INPP4B: variants seen among roughly 807,000 people sequenced by gnomAD.
INPP4B encodes the protein inositol polyphosphate-4-phosphatase type II B.
INPP4B carries 55 observed loss-of-function variants against 122.5 expected under a neutral mutation model. The ratio of observed to expected loss-of-function variants is 0.45; its 90% CI spans 0.36 to 0.56. The LOEUF (loss-of-function observed/expected upper bound fraction) is 0.56, where lower values mean the gene tolerates loss of function less well. Among genes scored for constraint, INPP4B ranks in the 20% least tolerant of loss-of-function variants. INPP4B has a pLI of 0.00. For synonymous variants in INPP4B, 403 were observed against 388.7 expected, an observed-to-expected ratio of 1.04 and a Z score of -0.43; for missense variants, 1,000 against 1,097.7, an observed-to-expected ratio of 0.91 and a Z score of 1.26.
intron 18 of INPP4B, among the ~76,000 whole-genome samples, chr4:142,143,781 T>C (rs929277427): frequency 2.0e-5 from 3 of 152,088 alleles, no homozygotes; most frequent in East Asian, 1.9e-4. Flanking sequence ...AGCACTATGA[T>C]AGTACTTAAA....
At chr4:142,166,011 TAA>T (rs796738760) in intron 16 of INPP4B, among the ~76,000 whole-genome samples, 4 of 151,878 alleles carry the variant, frequency 2.6e-5, no homozygotes, top group African/African-American at 9.6e-5. Flanking sequence ...TTACCATTCA[TAA>T]GTCTTCTTTG....
chr4:142,577,022 C>CTTTATATTAATATAATATAATA (rs1734001145), intron 2 of INPP4B, among the ~76,000 whole-genome samples: 1 of 151,988 alleles, frequency 6.6e-6, no homozygotes, highest in African/African-American at 2.4e-5. Context: ...ACATAATTTA[C>CTTTATATTAATATAATATAATA]AAGTAATAAA....
intron 15 of INPP4B, among the ~76,000 whole-genome samples, chr4:142,185,549 C>T (rs1014403953): frequency 6.6e-6 from 1 of 151,846 alleles, no homozygotes; most frequent in Admixed American, 6.6e-5. Flanking sequence ...AATTTAACTA[C>T]CTCTTAACTA....
intron 2 of INPP4B, chr4:142,473,131 T>C (rs995943495): frequency 2.0e-5 from 3 of 152,234 alleles, no homozygotes; most frequent in Non-Finnish European, 4.4e-5. Flanking sequence ...TTAATAAAAC[T>C]GATCAGTGTC....
chr4:142,508,107 G>A (rs76055231), intron 2 of INPP4B, among the ~76,000 whole-genome samples: 2,553 of 152,158 alleles, frequency 0.017, 75 homozygotes, highest in African/African-American at 0.058. Context: ...CATCCTCAAG[G>A]ATCTAGGGGC....
intron 1 of INPP4B, among the ~76,000 whole-genome samples, chr4:142,764,029 A>G (rs1771725070): frequency 6.6e-6 from 1 of 152,180 alleles, no homozygotes; most frequent in South Asian, 2.1e-4. Flanking sequence ...AAGTTCAAAA[A>G]GTTATGACAG....
chr4:142,414,453 A>T (rs944680258), intron 5 of INPP4B, among the ~76,000 whole-genome samples: 1 of 152,206 alleles, frequency 6.6e-6, no homozygotes, highest in Admixed American at 6.6e-5. Context: ...TGCCTGGAAC[A>T]ATGGTGCTCT....
At chr4:142,824,134 G>A (rs377732326) in intron 1 of INPP4B, among the ~76,000 whole-genome samples, 1 of 151,908 alleles carries the variant, frequency 6.6e-6, no homozygotes, top group Non-Finnish European at 1.5e-5. Context: ...GGCCCCCCCA[G>A]GTTCTCAGGC....
At chr4:142,517,362 T>G (rs546890521) in intron 2 of INPP4B, among the ~76,000 whole-genome samples, 1 of 152,090 alleles carries the variant, frequency 6.6e-6, no homozygotes, top group Non-Finnish European at 1.5e-5. Flanking sequence ...TGAATGACCA[T>G]GCTGAAGCCT....
At chr4:142,784,044 A>C (rs1340567913) in intron 1 of INPP4B, among the ~76,000 whole-genome samples, 1 of 152,160 alleles carries the variant, frequency 6.6e-6, no homozygotes, top group African/African-American at 2.4e-5. Flanking sequence ...TGCTTAGGGC[A>C]AGTAAAAAAA....
chr4:142,826,714 G>A (rs905527439), intron 1 of INPP4B, among the ~76,000 whole-genome samples: 2 of 152,064 alleles, frequency 1.3e-5, no homozygotes, highest in African/African-American at 4.8e-5. Flanking sequence ...AGCTAAGCCT[G>A]TGTTTCCATT....
chr4:142,168,975 C>T (rs1824198915), intron 16 of INPP4B, among the ~76,000 whole-genome samples: 1 of 151,578 alleles, frequency 6.6e-6, no homozygotes, highest in South Asian at 2.1e-4. Context: ...AATTTGTTAC[C>T]TATTTTCCAG....
At chr4:142,353,710 G>A (rs1782684990) in intron 7 of INPP4B, among the ~76,000 whole-genome samples, 1 of 151,872 alleles carries the variant, frequency 6.6e-6, no homozygotes. Flanking sequence ...AGGAATATTT[G>A]GCTTTTTGGT....
At chr4:142,149,497 C>G (rs1433586930) in intron 17 of INPP4B, among the ~76,000 whole-genome samples, 1 of 152,052 alleles carries the variant, frequency 6.6e-6, no homozygotes, top group Non-Finnish European at 1.5e-5. Flanking sequence ...CTTGATTCTT[C>G]CACTGTGATT....
chr4:142,556,878 G>A (rs187902699), intron 2 of INPP4B, among the ~76,000 whole-genome samples: 11 of 152,220 alleles, frequency 7.2e-5, no homozygotes, highest in Middle Eastern at 6.8e-3. Flanking sequence ...AGGAAACCTC[G>A]CTATCTCCTC....
chr4:142,467,502 C>T (rs528738825), intron 2 of INPP4B, among the ~76,000 whole-genome samples: 2 of 152,286 alleles, frequency 1.3e-5, no homozygotes, highest in South Asian at 4.1e-4. Flanking sequence ...CTTATACCAC[C>T]ATTGTATCTT....
At chr4:142,697,992 AG>A (rs1424235253) in intron 2 of INPP4B, among the ~76,000 whole-genome samples, 2 of 152,204 alleles carry the variant, frequency 1.3e-5, no homozygotes, top group Non-Finnish European at 2.9e-5. Context: ...CTATAATTTA[AG>A]GTTAGCTTCT....
At chr4:142,503,944 T>C (rs1001164025) in intron 2 of INPP4B, among the ~76,000 whole-genome samples, 46 of 151,856 alleles carry the variant, frequency 3.0e-4, no homozygotes, top group African/African-American at 9.9e-4. Flanking sequence ...AAAAACAAAT[T>C]CCATATTTGT....
At chr4:142,530,535 A>G (rs1827467610) in intron 2 of INPP4B, among the ~76,000 whole-genome samples, 1 of 126,266 alleles carries the variant, frequency 7.9e-6, no homozygotes, top group East Asian at 2.2e-4. Flanking sequence ...AGTGATATAC[A>G]TATATATGTG....
Sources: gnomAD v4.1 joint callset for allele counts (sites outside exome capture counted in the v4.1 genomes callset) on GRCh38, gnomAD v4.1.1 for gene constraint, MANE v1.5 for transcripts, NCBI Gene and HGNC (gene_info 2026-07-23, HGNC 2026-07-21) for gene names.